Variants in PTPRN2 observed in about 807,000 individuals in gnomAD.
The protein encoded by PTPRN2 is receptor-type tyrosine-protein phosphatase N2.
Under a neutral mutation model 118.8 loss-of-function variants are expected in PTPRN2, and 74 were observed. The ratio of observed to expected loss-of-function variants is 0.62; its 90% confidence interval spans 0.52 to 0.76. PTPRN2 has a LOEUF of 0.76. Among genes scored for constraint, PTPRN2 ranks in the 30% least tolerant of loss-of-function variants. The pLI is 0.00. For missense variants in PTPRN2, 1,481 were observed against 1,394.4 expected (o/e 1.06, Z -0.99); for synonymous variants, 641 against 608.0 (o/e 1.05, Z -0.80).
intron 11 of PTPRN2, among the ~76,000 whole-genome samples, chr7:158,021,561 T>C (rs894145422): frequency 1.0e-4 from 15 of 146,198 alleles, no homozygotes; most frequent in African/African-American, 3.8e-4. Context: ...CCCCGAGAGA[T>C]GGGTGCAGAA....
chr7:158,489,924 G>A (rs959819365), intron 1 of PTPRN2, 139 bp from the exon 2 acceptor site: 98 of 793,670 alleles, frequency 1.2e-4, no homozygotes, highest in Non-Finnish European at 1.8e-4. Context: ...TTTCCGAGAT[G>A]GGGCCGATTA....
chr7:158,149,169 T>A, intron 6 of PTPRN2, among the ~76,000 whole-genome samples: 1 of 151,554 alleles, frequency 6.6e-6, no homozygotes, highest in African/African-American at 2.4e-5. Flanking sequence ...TGACACCCCA[T>A]CTCACGCCAC....
intron 11 of PTPRN2, among the ~76,000 whole-genome samples, chr7:158,002,451 T>C (rs1329873762): frequency 6.6e-6 from 1 of 152,194 alleles, no homozygotes; most frequent in Non-Finnish European, 1.5e-5. Context: ...GTCACTTTTG[T>C]TGCCCGAATC....
chr7:158,148,825 C>G (rs1820511636), intron 6 of PTPRN2, among the ~76,000 whole-genome samples: 5 of 41,982 alleles, frequency 1.2e-4, no homozygotes, highest in African/African-American at 4.8e-4. Context: ...AATGACACCC[C>G]ATCTCACGCC....
intron 11 of PTPRN2, among the ~76,000 whole-genome samples, chr7:158,074,818 C>T (rs1032229218): frequency 2.6e-5 from 4 of 152,202 alleles, no homozygotes; most frequent in Non-Finnish European, 4.4e-5. Context: ...CAGCATTGCT[C>T]GTTCATTTGC....
At chr7:157,825,291 G>T (rs1228178638) in intron 12 of PTPRN2, among the ~76,000 whole-genome samples, 1 of 152,062 alleles carries the variant, frequency 6.6e-6, no homozygotes, top group Non-Finnish European at 1.5e-5. Context: ...GACCTGGATG[G>T]TGGGATCTCC....
chr7:158,506,459 G>T (rs1245667626), intron 1 of PTPRN2, among the ~76,000 whole-genome samples: 2 of 152,084 alleles, frequency 1.3e-5, no homozygotes. Context: ...CACTTCAGAG[G>T]CTTCCTGAGC....
chr7:157,576,787 G>A lies in PTPRN2; in HGVS notation c.2617-8C>T. The stretch of plus-strand genomic sequence containing the variant: ...CTCGGAGACCAGGTTCACCTGGCAG[G>A]GAGGAGCGGAGGGAGGGGACAGAGA... On this transcript the variant is annotated splice_polypyrimidine_tract_variant and splice_region_variant and intron_variant, in intron 18 of 22. Transcript: ENST00000389418. 2 of 1,590,352 alleles carry A rather than the reference G, an allele frequency of 1.3e-6. No homozygotes were observed. Among genetic ancestry groups the A allele is most frequent in the Non-Finnish European group, 1.7e-6 (2 of 1,166,884 alleles).
intron 3 of PTPRN2, among the ~76,000 whole-genome samples, chr7:158,301,204 G>A (rs1476858462): frequency 1.3e-5 from 2 of 151,988 alleles, no homozygotes; most frequent in African/African-American, 4.8e-5. Flanking sequence ...CTGAACTAAG[G>A]ACCTGTATTT....
At chr7:157,581,127 A>T (rs1340138171) in intron 17 of PTPRN2, among the ~76,000 whole-genome samples, 1 of 71,102 alleles carries the variant, frequency 1.4e-5, no homozygotes, top group Non-Finnish European at 2.9e-5. Flanking sequence ...ACCTGGACAC[A>T]CCAGCACCTG....
chr7:158,463,518 CATT>C (rs1254946995), intron 2 of PTPRN2, among the ~76,000 whole-genome samples: 3 of 152,058 alleles, frequency 2.0e-5, no homozygotes, highest in Admixed American at 1.3e-4. Context: ...TCATCACCAT[CATT>C]GTCATCACCA....
At chr7:158,219,889 A>C (rs556722165) in intron 3 of PTPRN2, among the ~76,000 whole-genome samples, 4 of 151,854 alleles carry the variant, frequency 2.6e-5, no homozygotes, top group African/African-American at 4.8e-5. Context: ...TAAAAAAAAA[A>C]CCTACCAACC....
intron 11 of PTPRN2, among the ~76,000 whole-genome samples, chr7:158,047,037 C>T (rs959483382): frequency 1.3e-5 from 2 of 152,218 alleles, no homozygotes; most frequent in African/African-American, 4.8e-5. Flanking sequence ...AAAACGCCCC[C>T]GCCCCTCGCC....
intron 2 of PTPRN2, among the ~76,000 whole-genome samples, chr7:158,376,478 A>AG (rs1206935644): frequency 3.5e-5 from 4 of 113,346 alleles, no homozygotes; most frequent in Non-Finnish European, 7.2e-5. Context: ...ACGTCCTGAG[A>AG]GGGGGGTCAG....
chr7:157,805,647 G>T (rs1805586924), intron 12 of PTPRN2, among the ~76,000 whole-genome samples: 1 of 152,210 alleles, frequency 6.6e-6, no homozygotes, highest in Non-Finnish European at 1.5e-5. Context: ...TGCCAGTTAA[G>T]CGGTGGGGGC....
Position 158,003,021 on chromosome 7 carries a change from G to A in PTPRN2, c.1723+78277C>T, listed in dbSNP as rs1310794195. ...GGAAAGAGCACAGGAGAGGGCAGGA[G>A]ATGTTTGGCTTCTGTCATGAGCTGA... On this transcript the variant is annotated intron_variant, in intron 11 of 22. Coordinates refer to ENST00000389418, the MANE Select transcript of PTPRN2 (RefSeq NM_002847.5). This position sits in a 1 kb window ranked among gnomAD's most constrained non-coding sequence, Gnocchi z 5.0. Among the ~76,000 whole-genome samples, 1 of 152,156 alleles carries A rather than the reference G, an allele frequency of 6.6e-6. No individual in the cohort carries two copies. The highest frequency in any genetic ancestry group is 1.5e-5 in the Non-Finnish European group (1 of 68,028).
chr7:158,566,394 A>T (rs556065251), intron 1 of PTPRN2, among the ~76,000 whole-genome samples: 2 of 152,022 alleles, frequency 1.3e-5, no homozygotes, highest in Non-Finnish European at 2.9e-5. Context: ...CTCCTGAGCA[A>T]TTCCAGAAGA....
intron 1 of PTPRN2, among the ~76,000 whole-genome samples, chr7:158,490,202 C>T (rs1006960185): frequency 6.6e-6 from 1 of 152,206 alleles, no homozygotes; most frequent in Non-Finnish European, 1.5e-5. Context: ...CGCCGGGGAG[C>T]GGAGGCTTCC....
intron 12 of PTPRN2, among the ~76,000 whole-genome samples, chr7:157,770,415 A>G (rs1452409138): frequency 1.3e-5 from 2 of 152,234 alleles, no homozygotes; most frequent in African/African-American, 4.8e-5. Flanking sequence ...TGAGGGTCTC[A>G]GCAGGTCCCA....
Sources: allele counts gnomAD v4.1 joint callset (sites outside exome capture counted in the v4.1 genomes callset), GRCh38; gene constraint gnomAD v4.1.1; non-coding constraint Gnocchi (gnomAD v3.1); transcripts MANE v1.5; gene names NCBI Gene and HGNC (gene_info 2026-07-23, HGNC 2026-07-21).